ACY3: variants seen among roughly 807,000 people sequenced by gnomAD.
The protein encoded by ACY3 is N-acyl-aromatic-L-amino acid amidohydrolase (carboxylate-forming).
In ACY3, 20 loss-of-function variants were observed where a neutral mutation model predicts 24.6. The ratio of observed to expected loss-of-function variants is 0.81; its 90% CI spans 0.57 to 1.18. The LOEUF (loss-of-function observed/expected upper bound fraction) is 1.18. Ranked by LOEUF, ACY3 falls within the 50% of genes most tolerant of loss-of-function variation. ACY3 has a pLI of 0.00. For synonymous variants in ACY3, 174 were observed against 188.4 expected (o/e 0.92, Z 0.62); for missense variants, 423 against 426.8 (o/e 0.99, Z 0.08).
intron 7 of ACY3, among the ~76,000 whole-genome samples, chr11:67,644,224 G>A (rs1186068770): frequency 6.6e-6 from 1 of 151,950 alleles, no homozygotes; most frequent in Non-Finnish European, 1.5e-5. Flanking sequence ...ATTCAACAAT[G>A]ACCCCCTGTG....
intron 2 of ACY3, 74 bp from the exon 3 acceptor site, chr11:67,647,137 G>A (rs1847721183): frequency 5.3e-6 from 6 of 1,142,310 alleles, no homozygotes; most frequent in Non-Finnish European, 1.2e-6. Flanking sequence ...ATGGCGGTGG[G>A]AGGCTCCACA....
chr11:67,647,172 G>T, intron 2 of ACY3, 109 bp from the exon 3 acceptor site: 1 of 775,016 alleles, frequency 1.3e-6, no homozygotes, highest in Non-Finnish European at 2.0e-6. Context: ...CAAGAGGTGT[G>T]GACAGCTGGG....
rs377603005 is a variant in ACY3, at chr11:67,646,927, T to C, written c.117A>G (p.Ala39=). 1.2e-5 allele frequency: 19 copies of C among 1,606,370 alleles called. No individual in the cohort carries two copies. Among genetic ancestry groups the C allele is most frequent in the Non-Finnish European group, 1.3e-5 (15 of 1,176,794 alleles). Residue 39 remains alanine, a synonymous_variant, in exon 3 of 8, where the codon GCA becomes GCG. Transcript: ENST00000255082. The stretch of plus-strand genomic sequence containing the variant: ...CGGAGAAGCTGGCTCTCTGCAGCTC[T>C]GCGGGGGCATGCAGCCAGTGCCGGG... The part of the protein sequence containing the change: ...YLARHWLHAP[A]ELQRASFSAV...
In ACY3 at chr11:67,644,886, G is replaced by A. The variant is rs1303744657; in HGVS notation, c.635-17C>T. On this transcript the variant is annotated splice_polypyrimidine_tract_variant and intron_variant, in intron 6 of 7. Coordinates refer to ENST00000255082, the MANE Select transcript of ACY3 (RefSeq NM_080658.2). ...AGGCCGTACCTGTGTGGGAGGCTGG[G>A]TGTGTGAGCCCATCCCTCCCTCCAG... 1.2e-6 allele frequency: 2 copies of A among 1,609,310 alleles called. No individual in the cohort carries two copies. The highest frequency in any genetic ancestry group is 2.2e-5 in the South Asian group (2 of 90,896).
At chr11:67,645,527 CG>C in intron 4 of ACY3, 147 bp from the exon 5 acceptor site, 9 of 1,226,914 alleles carry the variant, frequency 7.3e-6, no homozygotes, top group Admixed American at 2.6e-5. Context: ...GAGGGGGTAC[CG>C]GGGGCCTGGA....
rs1855524368 is a variant in ACY3, at chr11:67,646,796, A to G, written c.236+12T>C. On this transcript the variant is annotated intron_variant, in intron 3 of 7. Transcript: ENST00000255082. ...CAACTGCCTGGGCCAACCTGGCGGC[A>G]AAAGCACTCACTTGAGGAAGCTGCT... 6.2e-7 allele frequency: 1 copy of G among 1,611,506 alleles called. No individual in the cohort carries two copies. Among genetic ancestry groups the G allele is most frequent in the Non-Finnish European group, 8.5e-7 (1 of 1,179,282 alleles).
chr11:67,650,220 G>T (rs1006597488), intron 1 of ACY3, among the ~76,000 whole-genome samples: 4 of 150,848 alleles, frequency 2.7e-5, no homozygotes, highest in African/African-American at 1.0e-4. Context: ...CCAGAGAGGG[G>T]TCAGAGCTGT....
Position 67,649,234 on chromosome 11 carries a change from G to T in ACY3, c.-95+1349C>A, listed in dbSNP as rs2134114067. ...TTATGAGTCCCAGGCCATGGTCTTT[G>T]TTGGAAGGCCCCCCCAACCCCCACA... is the stretch of plus-strand genomic sequence containing the variant. On this transcript the variant is annotated intron_variant, in intron 1 of 7. Coordinates refer to ENST00000255082, the MANE Select transcript of ACY3 (RefSeq NM_080658.2). Among the ~76,000 whole-genome samples, 3 of 152,226 alleles carry T rather than the reference G, an allele frequency of 2.0e-5. No individual in the cohort carries two copies. In the South Asian group the frequency reaches 6.2e-4, roughly 32 times the overall value.
intron 3 of ACY3, 148 bp downstream of exon 3, chr11:67,646,660 C>T (rs1056862053): frequency 1.5e-5 from 12 of 816,508 alleles, no homozygotes; most frequent in African/African-American, 5.3e-5. Context: ...TCTAAATGTT[C>T]GGTTTGTCCC....
intron 3 of ACY3, among the ~76,000 whole-genome samples, chr11:67,646,273 A>C (rs974652160): frequency 6.6e-6 from 1 of 152,118 alleles, no homozygotes; most frequent in African/African-American, 2.4e-5. Context: ...CTTGGCTGAG[A>C]CACCATTGCC....
In ACY3 at chr11:67,645,050, T is replaced by C. The variant is rs1855484411; in HGVS notation, c.629A>G (p.Asn210Ser). Residue 210 changes from asparagine (N) to serine (S), a missense_variant, in exon 6 of 8, where the codon AAC (asparagine) becomes AGC (serine). Coordinates refer to ENST00000255082, the MANE Select transcript of ACY3 (RefSeq NM_080658.2). ...ATVLDFIELF[N>S]QGTAFPAFEM... ...AAAGTCCCCTGGGGTCTCACCCTGG[T>C]TGAAGAGTTCGATGAAGTCCAGAAC... The C allele has an allele frequency of 6.8e-6, 11 of 1,613,684 alleles. No individual in the cohort carries two copies. The highest frequency in any genetic ancestry group is 8.5e-6 in the Non-Finnish European group (10 of 1,179,900).
At chr11:67,649,577 T>C (rs1855579802) in intron 1 of ACY3, among the ~76,000 whole-genome samples, 1 of 151,814 alleles carries the variant, frequency 6.6e-6, no homozygotes. Context: ...TGTACATGTG[T>C]GCGTGTGCAT....
chr11:67,649,649 CGTGTGTACAT>C lies in ACY3; in HGVS notation c.-95+924_-95+933del, dbSNP rs1377093901. On this transcript the variant is annotated intron_variant, in intron 1 of 7. Transcript: ENST00000255082. Reference sequence around the variant, plus strand: ...ACGTGACAGCATGCGTGTGTGCGTGCGTGTGTACATGTGTGTGCATGTGCATGAGTATTGT... The same window carrying C: ...ACGTGACAGCATGCGTGTGTGCGTGCGTGTGTGCATGTGCATGAGTATTGT... Among the ~76,000 whole-genome samples, 472 of 141,894 alleles carry C rather than the reference CGTGTGTACAT, an allele frequency of 3.3e-3. 2 individuals carry two copies. Among genetic ancestry groups the C allele is most frequent in the African/African-American group, 0.013 (457 of 34,328 alleles). 93.1% of individuals were successfully genotyped at this position (141,894 alleles called of 152,430 possible). A position where few individuals can be genotyped will look rare whatever the true frequency, so the allele number is the denominator to read the frequency against.
At chr11:67,643,080 A>T in intron 7 of ACY3, 141 bp from the exon 8 acceptor site, 1 of 732,406 alleles carries the variant, frequency 1.4e-6, no homozygotes. Flanking sequence ...AATCCATATG[A>T]CAGCAGGTCT....
intron 7 of ACY3, among the ~76,000 whole-genome samples, chr11:67,643,838 G>T (rs1208358831): frequency 6.7e-6 from 1 of 149,554 alleles, no homozygotes; most frequent in Non-Finnish European, 1.5e-5. Context: ...GTACTAAAAA[G>T]ACAAAAATTG....
chr11:67,645,219 C>T (rs980613386), intron 5 of ACY3, 67 bp from the exon 6 acceptor site: 1 of 1,605,218 alleles, frequency 6.2e-7, no homozygotes, highest in Non-Finnish European at 8.5e-7. Context: ...AGGCCCTGCC[C>T]CTTGGTGACT....
Position 67,646,951 on chromosome 11 carries a change from G to A in ACY3, c.93C>T (p.Ala31=). ...CTGCGGGGGCATGCAGCCAGTGCCG[G>A]GCCAGGTAGACGCCCGACATCTCGT... is the stretch of plus-strand genomic sequence containing the variant. ...HGNEMSGVYL[A]RHWLHAPAEL... Residue 31 remains alanine, a synonymous_variant, in exon 3 of 8, where the codon GCC becomes GCT. Transcript: ENST00000255082. 6.3e-7 allele frequency: 1 copy of A among 1,595,248 alleles called. No individual in the cohort carries two copies.
rs1855515878 is a variant in ACY3, at chr11:67,646,329, G to A, written c.237-442C>T. Among the ~76,000 whole-genome samples, 3 of 152,228 alleles carry A rather than the reference G, an allele frequency of 2.0e-5. No individual in the cohort carries two copies. In the South Asian group the frequency reaches 6.2e-4, roughly 32 times the overall value. On this transcript the variant is annotated intron_variant, in intron 3 of 7. Coordinates refer to ENST00000255082, the MANE Select transcript of ACY3 (RefSeq NM_080658.2). ...TGCTCTCAGCCAGGTTAGCTGCTTT[G>A]TGTAGCCTCCGGCCCTGCCTTTAGC... is the stretch of plus-strand genomic sequence containing the variant.
Position 67,642,712 on chromosome 11 carries a change from G to T in ACY3, c.*12C>A. The T allele has an allele frequency of 1.2e-6, 2 of 1,613,712 alleles. No individual in the cohort carries two copies. The highest frequency in any genetic ancestry group is 8.5e-7 in the Non-Finnish European group (1 of 1,179,666). ...AGATGGGAAGACTGAGGTTGGGGAGGTGTGTCTTGGGTTAGGAAGCTGGGC... is the reference window on the plus strand; with the variant it reads ...AGATGGGAAGACTGAGGTTGGGGAGTTGTGTCTTGGGTTAGGAAGCTGGGC... On this transcript the variant is annotated 3_prime_UTR_variant, in exon 8 of 8. Transcript: ENST00000255082.
Sources: allele counts gnomAD v4.1 joint callset (sites outside exome capture counted in the v4.1 genomes callset), GRCh38; gene constraint gnomAD v4.1.1; transcripts MANE v1.5; gene names NCBI Gene and HGNC (gene_info 2026-07-23, HGNC 2026-07-21).